PTGER3: variants seen among roughly 807,000 people sequenced by gnomAD.
PTGER3 encodes prostaglandin E receptor 3.
PTGER3 carries 22 observed loss-of-function variants against 34.7 expected under a neutral mutation model. That is an observed-to-expected ratio of 0.63 (90% CI 0.45 to 0.91). PTGER3 has a LOEUF of 0.91. PTGER3 is among the 40% of genes least tolerant of loss of function. PTGER3 has a pLI of 0.00. For synonymous variants in PTGER3, 241 were observed against 230.1 expected (o/e 1.05, Z -0.43); for missense variants, 468 against 519.4 (o/e 0.90, Z 0.96).
intron 4 of PTGER3, among the ~76,000 whole-genome samples, chr1:70,874,580 C>A (rs1322499231): frequency 6.6e-6 from 1 of 152,174 alleles, no homozygotes; most frequent in African/African-American, 2.4e-5. Context: ...TCTTGCCTCA[C>A]AACTTGTCTC....
chr1:71,039,575 G>C (rs1248426704), intron 1 of PTGER3, among the ~76,000 whole-genome samples: 1 of 150,328 alleles, frequency 6.7e-6, no homozygotes, highest in African/African-American at 2.5e-5. Context: ...GCATGAACCC[G>C]GGAGGCAGAG....
At chr1:71,043,402 C>T (rs1182915352) in intron 1 of PTGER3, among the ~76,000 whole-genome samples, 2 of 152,032 alleles carry the variant, frequency 1.3e-5, no homozygotes, top group Non-Finnish European at 2.9e-5. Context: ...GATACATAAA[C>T]CTCTATTTAA....
chr1:70,965,097 A>T (rs1195897677), intron 2 of PTGER3, among the ~76,000 whole-genome samples: 1 of 152,212 alleles, frequency 6.6e-6, no homozygotes, highest in Non-Finnish European at 1.5e-5. Context: ...TAGATAGAAC[A>T]GCATATGAAA....
intron 4 of PTGER3, among the ~76,000 whole-genome samples, chr1:70,912,504 G>A (rs1226348049): frequency 1.3e-5 from 2 of 151,946 alleles, no homozygotes; most frequent in African/African-American, 2.4e-5. Flanking sequence ...CTTTCCTACT[G>A]ACTATCATAT....
chr1:71,033,063 A>G (rs1659543160), intron 1 of PTGER3, among the ~76,000 whole-genome samples: 1 of 152,170 alleles, frequency 6.6e-6, no homozygotes, highest in African/African-American at 2.4e-5. Flanking sequence ...AATAACATCT[A>G]TTAGATCAAA....
At position 71,047,242 on chromosome 1, in the gene PTGER3, G is replaced by C; in HGVS notation, c.336C>G (p.Val112=). ...CCCAACGCTGCTTGGACAGGTACACGACGATGACGACCGGGGTGGTGAGAA... is the reference window on the plus strand; with the variant it reads ...CCCAACGCTGCTTGGACAGGTACACCACGATGACGACCGGGGTGGTGAGAA... ...GQLLTTPVVI[V]VYLSKQRWEH... is the part of the protein sequence containing the mutation. Residue 112 remains valine, a synonymous_variant, in exon 1 of 4, where the codon GTC becomes GTG. Transcript: ENST00000306666. 2 of 1,595,160 alleles carry C rather than the reference G, an allele frequency of 1.3e-6. No homozygotes were observed. The highest frequency in any genetic ancestry group is 1.8e-5 in the Admixed American group (1 of 56,592).
chr1:70,941,330 C>T (rs1002157182), intron 4 of PTGER3, among the ~76,000 whole-genome samples: 3 of 152,076 alleles, frequency 2.0e-5, no homozygotes, highest in Non-Finnish European at 4.4e-5. Flanking sequence ...TATCTAAACT[C>T]TTCTGTTTTG....
At chr1:70,984,704 A>G (rs1413245456) in intron 2 of PTGER3, among the ~76,000 whole-genome samples, 1 of 152,146 alleles carries the variant, frequency 6.6e-6, no homozygotes, top group Non-Finnish European at 1.5e-5. Context: ...TCCAGCCTGA[A>G]CAACACAGTG....
intron 2 of PTGER3, chr1:71,010,088 C>T: frequency 1.0e-6 from 1 of 984,980 alleles, no homozygotes. Flanking sequence ...AAAATATATC[C>T]CCTGGGCAGG....
chr1:70,955,435 G>T (rs1468036411), intron 2 of PTGER3, among the ~76,000 whole-genome samples: 1 of 152,022 alleles, frequency 6.6e-6, no homozygotes, highest in African/African-American at 2.4e-5. Context: ...CAATCAAGTG[G>T]ATTTTATTCA....
At chr1:71,037,949 G>C (rs902412449) in intron 1 of PTGER3, among the ~76,000 whole-genome samples, 4 of 152,102 alleles carry the variant, frequency 2.6e-5, no homozygotes, top group Non-Finnish European at 4.4e-5. Flanking sequence ...CTTCTATTTG[G>C]GGAAATATGA....
chr1:70,927,925 T>G (rs889634543), intron 4 of PTGER3, among the ~76,000 whole-genome samples: 1 of 152,108 alleles, frequency 6.6e-6, no homozygotes, highest in Non-Finnish European at 1.5e-5. Context: ...TATACACTGA[T>G]CTAATGATTT....
At position 71,005,632 on chromosome 1, in the gene PTGER3, T is replaced by A. The variant is rs115332651; in HGVS notation, c.1077+6673A>T. On this transcript the variant is annotated intron_variant, in intron 2 of 3. Coordinates refer to ENST00000306666, the MANE Select transcript of PTGER3 (RefSeq NM_198719.2). ...ACTTAATAGGTATGCAATAAATATA[T>A]GTTGAAGGAAAGAGCAAGCCTGCAG... is the stretch of plus-strand genomic sequence containing the variant. Among the ~76,000 whole-genome samples the A allele has an allele frequency of 4.7e-3, 723 of 152,240 alleles. 8 individuals are homozygous for A. The highest frequency in any genetic ancestry group is 0.016 in the African/African-American group (670 of 41,532).
chr1:71,029,962 C>T (rs1572977100), intron 1 of PTGER3, among the ~76,000 whole-genome samples: 3 of 128,608 alleles, frequency 2.3e-5, no homozygotes, highest in Admixed American at 1.5e-4. Context: ...ATAATAATAA[C>T]AAAATAAGTA....
At chr1:70,893,421 C>T (rs2100290257) in intron 4 of PTGER3, among the ~76,000 whole-genome samples, 1 of 152,284 alleles carries the variant, frequency 6.6e-6, no homozygotes, top group South Asian at 2.1e-4. Context: ...GACATCAGGA[C>T]AAGGCCAATG....
intron 1 of PTGER3, among the ~76,000 whole-genome samples, chr1:71,013,702 C>CAAAAAAAAAAAAAA (rs111381892): frequency 9.5e-6 from 1 of 105,612 alleles, no homozygotes; most frequent in Non-Finnish European, 2.0e-5. Context: ...AACTCTGTCT[C>CAAAAAAAAAAAAAA]AAAAAAAAAA....
chr1:70,852,874 A>G lies in PTGER3; in HGVS notation c.*24-15T>C, dbSNP rs775736674. 3 of 1,612,148 alleles carry G rather than the reference A, an allele frequency of 1.9e-6. No homozygotes were observed. In the Admixed American group the frequency reaches 5.0e-5, roughly 27 times the overall value. On this transcript the variant is annotated splice_polypyrimidine_tract_variant and intron_variant, in intron 4 of 4. Transcript: ENST00000370931. ...CAAAATTCCTCCTGGAAAACAAACAAATCAATTAGGATAGCCAATAATAAA... is the reference window on the plus strand; with the variant it reads ...CAAAATTCCTCCTGGAAAACAAACAGATCAATTAGGATAGCCAATAATAAA...
intron 4 of PTGER3, among the ~76,000 whole-genome samples, chr1:70,915,261 A>G (rs1647149149): frequency 6.6e-6 from 1 of 151,872 alleles, no homozygotes; most frequent in South Asian, 2.1e-4. Context: ...CTAGGCTATG[A>G]ATTCTGAGGA....
At chr1:70,885,455 A>T (rs1228947248) in intron 4 of PTGER3, among the ~76,000 whole-genome samples, 1 of 152,240 alleles carries the variant, frequency 6.6e-6, no homozygotes, top group African/African-American at 2.4e-5. Flanking sequence ...TTTATGATCT[A>T]GTTGGAAACA....
Sources: gnomAD v4.1 joint callset for allele counts (sites outside exome capture counted in the v4.1 genomes callset) on GRCh38, gnomAD v4.1.1 for gene constraint, MANE v1.5 for transcripts, NCBI Gene and HGNC (gene_info 2026-07-23, HGNC 2026-07-21) for gene names.